Variants in AMY2B observed in about 807,000 individuals in gnomAD.
AMY2B encodes the protein alpha-amylase 2B.
A neutral mutation model predicts 59.3 loss-of-function variants in AMY2B; 63 were observed. That is an observed-to-expected ratio of 1.06 (90% confidence interval 0.87 to 1.31). The LOEUF is 1.31. Among genes scored for constraint, AMY2B ranks in the 50% most tolerant of loss-of-function variants. The pLI, the probability that AMY2B is intolerant of heterozygous loss-of-function variation, is 0.00. For synonymous variants in AMY2B, 180 were observed against 198.1 expected (o/e 0.91, Z 0.77); for missense variants, 635 against 626.7 (o/e 1.01, Z -0.14).
At chr1:103,577,334 A>G in intron 7 of AMY2B, 156 bp from the exon 8 acceptor site, 1 of 1,366,082 alleles carries the variant, frequency 7.3e-7, no homozygotes, top group Admixed American at 2.2e-5. Flanking sequence ...ATGAAGACCC[A>G]GTAAAGGGCT....
At chr1:103,566,712 T>C (rs1007958577), upstream of AMY2B, among the ~76,000 whole-genome samples, 1 of 152,132 alleles carries the variant, frequency 6.6e-6, no homozygotes, top group Non-Finnish European at 1.5e-5. Flanking sequence ...TATTATCAAA[T>C]CCTGTCTTTG....
At chr1:103,566,377 T>C (rs1377926784) in intron 2 of AMY2B, among the ~76,000 whole-genome samples, 1 of 152,172 alleles carries the variant, frequency 6.6e-6, no homozygotes, top group Non-Finnish European at 1.5e-5. Context: ...AAATCATATA[T>C]GTAATTTAAC....
At chr1:103,563,638 T>G (rs1257566200) in intron 1 of AMY2B, among the ~76,000 whole-genome samples, 1 of 152,156 alleles carries the variant, frequency 6.6e-6, no homozygotes, top group Non-Finnish European at 1.5e-5. Context: ...ATTATATGTG[T>G]GTCTAACTCT....
At chr1:103,577,971 G>A in intron 9 of AMY2B, 126 bp downstream of exon 9, 1 of 1,532,546 alleles carries the variant, frequency 6.5e-7, no homozygotes, top group Non-Finnish European at 8.7e-7. Flanking sequence ...GAAGACAATA[G>A]ACATCAAAAT....
intron 1 of AMY2B, among the ~76,000 whole-genome samples, chr1:103,558,759 A>G (rs1651637729): frequency 6.8e-6 from 1 of 147,558 alleles, no homozygotes; most frequent in Non-Finnish European, 1.5e-5. Flanking sequence ...GGAGACCCCA[A>G]CTGAAAAAAA....
chr1:103,571,010 T>C (rs1652108338), upstream of AMY2B: 5 of 394,386 alleles, frequency 1.3e-5, no homozygotes, highest in Non-Finnish European at 2.2e-5. Context: ...CAGTCTCTGA[T>C]CTGTGCAGGG....
At chr1:103,571,891 T>A in intron 1 of AMY2B, 121 bp downstream of exon 1, 2 of 1,588,714 alleles carry the variant, frequency 1.3e-6, no homozygotes, top group South Asian at 2.3e-5. Context: ...TAAGTAAGAG[T>A]TTTCTGAGGA....
upstream of AMY2B, chr1:103,571,456 T>G: frequency 6.9e-7 from 1 of 1,454,760 alleles, no homozygotes; most frequent in Non-Finnish European, 9.3e-7. Flanking sequence ...CTTCTCCTGT[T>G]AGGATTATTA....
chr1:103,566,555 C>T (rs537933375), intron 2 of AMY2B, among the ~76,000 whole-genome samples: 2 of 152,244 alleles, frequency 1.3e-5, no homozygotes, highest in South Asian at 4.1e-4. Flanking sequence ...GTGTTTTACA[C>T]TTACTACTCA....
intron 1 of AMY2B, among the ~76,000 whole-genome samples, chr1:103,558,611 A>G (rs773516282): frequency 2.0e-5 from 3 of 152,200 alleles, no homozygotes; most frequent in South Asian, 2.1e-4. Flanking sequence ...ACAAAAACCT[A>G]CCATTGCTGG....
chr1:103,577,460 T>G, intron 7 of AMY2B, 30 bp from the exon 8 acceptor site: 2 of 1,611,774 alleles, frequency 1.2e-6, no homozygotes, highest in Non-Finnish European at 1.7e-6. Context: ...ATATGTATGT[T>G]AAAATTTGGC....
At chr1:103,558,800 CCT>C (rs1257292355) in intron 1 of AMY2B, among the ~76,000 whole-genome samples, 1 of 149,222 alleles carries the variant, frequency 6.7e-6, no homozygotes, top group Non-Finnish European at 1.5e-5. Flanking sequence ...ATACATTTTT[CCT>C]CTGTCTCTCT....
At chr1:103,577,463 A>T in intron 7 of AMY2B, 27 bp from the exon 8 acceptor site, 1 of 1,611,790 alleles carries the variant, frequency 6.2e-7, no homozygotes, top group South Asian at 1.1e-5. Context: ...TGTATGTTAA[A>T]ATTTGGCTTT....
At chr1:103,555,961 G>T (rs1651534419) in intron 1 of AMY2B, among the ~76,000 whole-genome samples, 1 of 152,148 alleles carries the variant, frequency 6.6e-6, no homozygotes, top group African/African-American at 2.4e-5. Context: ...TCGTTTTAAA[G>T]ATAGGCACAC....
intron 1 of AMY2B, 69 bp downstream of exon 1, chr1:103,571,839 C>A (rs1652144524): frequency 1.2e-6 from 2 of 1,611,548 alleles, no homozygotes; most frequent in Middle Eastern, 4.5e-4. Context: ...CTGATCTTAT[C>A]CGTGAAGCTT....
chr1:103,569,896 C>T, upstream of AMY2B: 1 of 464,390 alleles, frequency 2.2e-6, no homozygotes, highest in Non-Finnish European at 4.3e-6. Context: ...TCAAGGCCAA[C>T]AGAGAGAAGA....
intron 9 of AMY2B, among the ~76,000 whole-genome samples, chr1:103,578,227 A>C (rs1652440508): frequency 6.6e-6 from 1 of 152,176 alleles, no homozygotes. Flanking sequence ...ATGCTGCCTG[A>C]GTACTAATAT....
chr1:103,573,372 C>G (rs1652215018), intron 3 of AMY2B, 112 bp downstream of exon 3: 11 of 1,533,770 alleles, frequency 7.2e-6, no homozygotes, highest in South Asian at 2.5e-5. Flanking sequence ...CTTAGGGACA[C>G]AGGTTAACAG....
rs774668239 is a variant in AMY2B at position 103,577,572 on chromosome 1, A to G, written c.1184A>G (p.Asn395Ser). Reference sequence around the variant, plus strand: ...ATTAATCCAGACACTACTTGTGGCAATGACTGGGTCTGTGAACATCGATGG... The same window carrying G: ...ATTAATCCAGACACTACTTGTGGCAGTGACTGGGTCTGTGAACATCGATGG... ...VTINPDTTCG[N>S]DWVCEHRWRQ... The change falls in exon 8 of 10, where the codon AAT (asparagine) becomes AGT (serine). Residue 395 changes from asparagine to serine, a missense_variant. Asn to Ser is a conservative substitution (Grantham distance 46). Coordinates refer to ENST00000684275, the MANE Select transcript of AMY2B (RefSeq NM_001387437.1). 1.3e-5 allele frequency: 21 copies of G among 1,611,984 alleles called. No individual in the cohort carries two copies. The highest frequency in any genetic ancestry group is 2.2e-5 in the East Asian group (1 of 44,866).
Sources: allele counts gnomAD v4.1 joint callset (sites outside exome capture counted in the v4.1 genomes callset), GRCh38; gene constraint gnomAD v4.1.1; transcripts MANE v1.5; gene names NCBI Gene and HGNC (gene_info 2026-07-23, HGNC 2026-07-21).